Variants in TBC1D9 observed in about 807,000 individuals in gnomAD.
The protein encoded by TBC1D9 is TBC1 domain family member 9A.
In TBC1D9, 63 loss-of-function variants were observed where a neutral mutation model predicts 132.0. The observed-to-expected ratio is 0.48, with a 90% CI of 0.39 to 0.59. The LOEUF (loss-of-function observed/expected upper bound fraction) is 0.59. TBC1D9 is among the 20% of genes least tolerant of loss of function. The pLI is 0.00. For missense variants in TBC1D9, 1,261 were observed against 1,592.7 expected (o/e 0.79, Z 3.54); for synonymous variants, 610 against 609.9 (o/e 1.00, Z 0.00).
rs913928722 is a variant in TBC1D9 at position 140,641,976 on chromosome 4, C to A, written c.2338-2548G>T. On this transcript the variant is annotated intron_variant, in intron 13 of 20. Transcript: ENST00000442267. ...AGTAACCTTAGTCAAATGAATCTTC[C>A]GAAGAGTCGCTGAAGGAGGAATGCA... is the stretch of plus-strand genomic sequence containing the variant. The A allele has an allele frequency of 3.2e-5, 18 of 568,742 alleles. 1 individual carries two copies. In the South Asian group the frequency reaches 3.7e-4, roughly 12 times the overall value. 35.2% of individuals were successfully genotyped at this position (568,742 alleles called of 1,614,324 possible). A position where few individuals can be genotyped will look rare whatever the true frequency, so the allele number is the denominator to read the frequency against.
chr4:140,674,011 A>G (rs1245898996), intron 6 of TBC1D9, among the ~76,000 whole-genome samples: 3 of 152,230 alleles, frequency 2.0e-5, no homozygotes, highest in African/African-American at 7.2e-5. Flanking sequence ...GTGATGATTC[A>G]TTCAGGTCAT....
intron 10 of TBC1D9, among the ~76,000 whole-genome samples, chr4:140,661,040 G>A (rs534621553): frequency 2.6e-5 from 4 of 151,922 alleles, no homozygotes; most frequent in Admixed American, 6.6e-5. Flanking sequence ...TCAGCCTCCC[G>A]AGTAGCTGGG....
chr4:140,651,522 G>A (rs186335143), intron 13 of TBC1D9, among the ~76,000 whole-genome samples: 2,525 of 152,170 alleles, frequency 0.017, 71 homozygotes, highest in African/African-American at 0.058. Flanking sequence ...CATTAACAAC[G>A]GGTGAGAACT....
chr4:140,708,438 T>C (rs1446107092), intron 1 of TBC1D9, among the ~76,000 whole-genome samples: 3 of 152,214 alleles, frequency 2.0e-5, no homozygotes, highest in African/African-American at 7.2e-5. Context: ...AGCAGAAATA[T>C]TCAGGGAAAA....
At chr4:140,716,152 T>G (rs767300233) in intron 1 of TBC1D9, 1 of 152,216 alleles carries the variant, frequency 6.6e-6, no homozygotes, top group Non-Finnish European at 1.5e-5. Flanking sequence ...TCTAAGTAGT[T>G]TAGTCATGGC....
At chr4:140,674,306 A>G (rs954610347) in intron 6 of TBC1D9, among the ~76,000 whole-genome samples, 12 of 152,300 alleles carry the variant, frequency 7.9e-5, no homozygotes, top group Admixed American at 1.3e-4. Flanking sequence ...TATAACTCCA[A>G]TTAGTTGACC....
rs554786900 is a variant in TBC1D9 at position 140,720,109 on chromosome 4, T to C, written c.131-18495A>G. ...TGGCACTTGGTAGGTGTTCAATAAA[T>C]AGTACCGATTGCGGTGGCTGAAGGC... On this transcript the variant is annotated intron_variant, in intron 1 of 20. Transcript: ENST00000442267. 3.9e-5 allele frequency among the ~76,000 whole-genome samples: 6 copies of C among 152,272 alleles called. 1 individual carries two copies. The highest frequency in any genetic ancestry group is 1.2e-4 in the African/African-American group (5 of 41,566).
chr4:140,627,768 G>A (rs1373188014), intron 17 of TBC1D9, among the ~76,000 whole-genome samples: 2 of 152,092 alleles, frequency 1.3e-5, no homozygotes, highest in African/African-American at 4.8e-5. Context: ...TCTGTGTTAT[G>A]AAGAATTTTC....
chr4:140,662,878 T>A (rs1008098469), intron 9 of TBC1D9, among the ~76,000 whole-genome samples: 2 of 152,172 alleles, frequency 1.3e-5, no homozygotes, highest in Non-Finnish European at 2.9e-5. Flanking sequence ...AAATGAACTC[T>A]TTTTTTATAC....
At chr4:140,747,739 G>A (rs1020739203) in intron 1 of TBC1D9, among the ~76,000 whole-genome samples, 4 of 152,126 alleles carry the variant, frequency 2.6e-5, no homozygotes, top group South Asian at 2.1e-4. Flanking sequence ...CTGGACTGGG[G>A]GGACCAGGAT....
chr4:140,753,256 C>CT (rs74269665), intron 1 of TBC1D9, among the ~76,000 whole-genome samples: 2,108 of 146,120 alleles, frequency 0.014, 20 homozygotes, highest in Non-Finnish European at 0.022. Flanking sequence ...CAGCTAGATT[C>CT]TTTTTTTTTT....
intron 13 of TBC1D9, among the ~76,000 whole-genome samples, chr4:140,646,253 A>G (rs1027602586): frequency 3.3e-5 from 5 of 152,194 alleles, no homozygotes; most frequent in Non-Finnish European, 5.9e-5. Context: ...CACAGCTGGT[A>G]AGCAGCAAAG....
intron 1 of TBC1D9, among the ~76,000 whole-genome samples, chr4:140,703,788 A>T (rs1317504978): frequency 6.6e-6 from 1 of 152,222 alleles, no homozygotes; most frequent in Non-Finnish European, 1.5e-5. Context: ...AAATACATTA[A>T]AAATGAAATT....
Position 140,643,096 on chromosome 4 carries a change from T to C in TBC1D9, c.2338-3668A>G, listed in dbSNP as rs1425918661. 3 of 1,378,932 alleles carry C rather than the reference T, an allele frequency of 2.2e-6. No homozygotes were observed. In the African/African-American group the frequency reaches 4.3e-5, roughly 20 times the overall value. 85.4% of individuals were successfully genotyped at this position (1,378,932 alleles called of 1,614,324 possible). ...TACTTATTGTGGGCTTCAGCTCCCGTGGGAGCCGCAGGTTCTTGAGCGGGT... is the reference window on the plus strand; with the variant it reads ...TACTTATTGTGGGCTTCAGCTCCCGCGGGAGCCGCAGGTTCTTGAGCGGGT... On this transcript the variant is annotated intron_variant, in intron 13 of 20. Transcript: ENST00000442267.
At chr4:140,674,691 A>ATATATATATATATATTTTTT (rs1553969850) in intron 6 of TBC1D9, among the ~76,000 whole-genome samples, 7 of 144,918 alleles carry the variant, frequency 4.8e-5, no homozygotes, top group Admixed American at 1.4e-4. Context: ...ATATATATAT[A>ATATATATATATATATTTTTT]TTTTTTTTTA....
chr4:140,643,782 G>T, intron 13 of TBC1D9: 1 of 917,930 alleles, frequency 1.1e-6, no homozygotes, highest in Non-Finnish European at 1.7e-6. Context: ...GCACTCAGAG[G>T]GCTCGGTGCA....
intron 2 of TBC1D9, among the ~76,000 whole-genome samples, chr4:140,694,403 T>G (rs1470250835): frequency 1.3e-5 from 2 of 152,086 alleles, no homozygotes; most frequent in Non-Finnish European, 1.5e-5. Context: ...AAACCTCATC[T>G]CTACTAAAAA....
In TBC1D9 at chr4:140,679,134, A is replaced by G. The variant is rs1174712532; in HGVS notation, c.659T>C (p.Val220Ala). The change falls in exon 5 of 21, where the codon GTG becomes GCG. Residue 220 changes from valine (V) to alanine (A), a missense_variant. By Grantham distance (64) the Val-to-Ala change is moderately conservative. Coordinates refer to ENST00000442267, the MANE Select transcript of TBC1D9 (RefSeq NM_015130.3). Reference protein sequence around the residue: ...EKNATLLLPDVIKVSTRSSEH... With the variant: ...EKNATLLLPDAIKVSTRSSEH... ...ACTGGACCGTGTGCTCACTTTGATCACATCAGGCAGAAGCAGGGTGGCATT... is the reference window on the plus strand; with the variant it reads ...ACTGGACCGTGTGCTCACTTTGATCGCATCAGGCAGAAGCAGGGTGGCATT... The G allele has an allele frequency of 6.2e-7, 1 of 1,613,928 alleles. No homozygotes were observed. The highest frequency in any genetic ancestry group is 1.3e-5 in the African/African-American group (1 of 75,046).
Position 140,631,060 on chromosome 4 carries a change from A to G in TBC1D9, c.2747-2695T>C, listed in dbSNP as rs537815372. Among the ~76,000 whole-genome samples, 4 of 152,352 alleles carry G rather than the reference A, an allele frequency of 2.6e-5. No individual in the cohort carries two copies. In the South Asian group the frequency reaches 8.3e-4, roughly 32 times the overall value. On this transcript the variant is annotated intron_variant, in intron 16 of 20. Transcript: ENST00000442267. ...GGTGCAGTGTTCAGCCAGTTACACA[A>G]TCACCAATTTCCATATACTTTCACC...
Sources: gnomAD v4.1 joint callset for allele counts (sites outside exome capture counted in the v4.1 genomes callset) on GRCh38, gnomAD v4.1.1 for gene constraint, MANE v1.5 for transcripts, NCBI Gene and HGNC (gene_info 2026-07-23, HGNC 2026-07-21) for gene names.